Variants in DLG2 observed in about 807,000 individuals in gnomAD.
DLG2 encodes disks large homolog 2.
Under a neutral mutation model 132.5 loss-of-function variants are expected in DLG2, and 45 were observed. The ratio of observed to expected loss-of-function variants is 0.34; its 90% CI spans 0.27 to 0.44. The LOEUF (loss-of-function observed/expected upper bound fraction) is 0.44. DLG2 is among the 20% of genes least tolerant of loss of function. The probability of loss-of-function intolerance (pLI) is 1.00; values close to 1 mark genes in which losing one functional copy is unlikely to be tolerated. For missense variants in DLG2, 1,045 were observed against 1,196.9 expected, an observed-to-expected ratio of 0.87 and a Z score of 1.87; for synonymous variants, 424 against 419.6, an observed-to-expected ratio of 1.01 and a Z score of -0.13.
At position 84,207,204 on chromosome 11, in the gene DLG2, G is replaced by A. The variant is rs74563374; in HGVS notation, c.574-43693C>T. Among the ~76,000 whole-genome samples the A allele has an allele frequency of 4.0e-3, 610 of 151,988 alleles. 29 individuals are homozygous for A. In the East Asian group the frequency reaches 0.099, roughly 25 times the overall value. ...ATGGGCTGGAAGACTCAATATTGTAGAGAGGTAAATTATTTTTAAGTTTAC... is the reference window on the plus strand; with the variant it reads ...ATGGGCTGGAAGACTCAATATTGTAAAGAGGTAAATTATTTTTAAGTTTAC... On this transcript the variant is annotated intron_variant, in intron 8 of 27. Transcript: ENST00000376104.
chr11:85,295,816 C>G (rs933801311), intron 3 of DLG2, among the ~76,000 whole-genome samples: 1 of 152,116 alleles, frequency 6.6e-6, no homozygotes, highest in South Asian at 2.1e-4. Flanking sequence ...CTCAATAGCA[C>G]AGTGCTTAGC....
intron 6 of DLG2, among the ~76,000 whole-genome samples, chr11:84,907,433 C>G (rs760678636): frequency 6.6e-6 from 1 of 151,968 alleles, no homozygotes; most frequent in Non-Finnish European, 1.5e-5. Context: ...AGAGTTTTCC[C>G]AACAACAGTT....
At chr11:85,554,072 C>G (rs2076808156) in intron 3 of DLG2, among the ~76,000 whole-genome samples, 2 of 150,790 alleles carry the variant, frequency 1.3e-5, no homozygotes, top group South Asian at 4.2e-4. Context: ...AGAAAAAATA[C>G]TGAAAACTTC....
chr11:84,651,320 A>C (rs2099681777), intron 6 of DLG2, among the ~76,000 whole-genome samples: 1 of 152,160 alleles, frequency 6.6e-6, no homozygotes, highest in Non-Finnish European at 1.5e-5. Flanking sequence ...ACTGCACTCC[A>C]TATCGTCTTA....
chr11:85,232,128 TA>T (rs1001903538), intron 4 of DLG2, among the ~76,000 whole-genome samples: 1 of 151,912 alleles, frequency 6.6e-6, no homozygotes, highest in Non-Finnish European at 1.5e-5. Context: ...AGCAACATGC[TA>T]AATACCAATA....
At chr11:83,770,758 A>G (rs1477333990) in intron 18 of DLG2, among the ~76,000 whole-genome samples, 4 of 152,220 alleles carry the variant, frequency 2.6e-5, no homozygotes, top group Non-Finnish European at 5.9e-5. Flanking sequence ...TTTTTGGTTT[A>G]TAGTTAAGAA....
At chr11:84,148,717 T>G (rs954284379) in intron 9 of DLG2, among the ~76,000 whole-genome samples, 5 of 152,124 alleles carry the variant, frequency 3.3e-5, no homozygotes, top group Admixed American at 1.3e-4. Context: ...GATTTATTAT[T>G]CTTTGGGTAG....
intron 3 of DLG2, among the ~76,000 whole-genome samples, chr11:85,372,930 C>T (rs1277940145): frequency 3.9e-5 from 6 of 152,182 alleles, no homozygotes; most frequent in African/African-American, 1.4e-4. Context: ...CAGTCTGTAC[C>T]CATTTCAAAT....
At chr11:83,764,364 G>A (rs1201620561) in intron 18 of DLG2, among the ~76,000 whole-genome samples, 2 of 152,176 alleles carry the variant, frequency 1.3e-5, no homozygotes, top group African/African-American at 4.8e-5. Flanking sequence ...GTTGTTTAAT[G>A]AATGAATATA....
intron 13 of DLG2, among the ~76,000 whole-genome samples, chr11:83,963,757 C>A (rs2089490495): frequency 6.6e-6 from 1 of 151,960 alleles, no homozygotes; most frequent in South Asian, 2.1e-4. Context: ...CATATCCTAT[C>A]ATCCGCAAAC....
intron 4 of DLG2, among the ~76,000 whole-genome samples, chr11:85,156,083 A>G (rs1024188809): frequency 6.6e-6 from 1 of 152,160 alleles, no homozygotes; most frequent in African/African-American, 2.4e-5. Context: ...CTATAGAGAC[A>G]TGTACCTGCA....
chr11:85,300,447 T>C (rs940672416), intron 3 of DLG2, among the ~76,000 whole-genome samples: 2 of 151,812 alleles, frequency 1.3e-5, no homozygotes, highest in Non-Finnish European at 2.9e-5. Flanking sequence ...AAAGCTAGAG[T>C]CTGGGGCAGG....
At chr11:85,586,812 A>G (rs1482237325) in intron 3 of DLG2, among the ~76,000 whole-genome samples, 4 of 151,928 alleles carry the variant, frequency 2.6e-5, no homozygotes, top group African/African-American at 9.7e-5. Context: ...GCTCTTTCAG[A>G]CTTTTTGATG....
intron 6 of DLG2, chr11:84,955,678 G>A (rs1361598130): frequency 6.6e-6 from 1 of 152,110 alleles, no homozygotes; most frequent in East Asian, 1.9e-4. Context: ...AATATCCTGT[G>A]CTTTCTCAAT....
At position 83,802,827 on chromosome 11, in the gene DLG2, A is replaced by G. The variant is rs138408121; in HGVS notation, c.1723-16035T>C. Among the ~76,000 whole-genome samples, 104 of 152,238 alleles carry G rather than the reference A, an allele frequency of 6.8e-4. 2 individuals are homozygous for G. The highest frequency in any genetic ancestry group is 3.5e-4 in the Non-Finnish European group (24 of 68,002). ...AAAAGGATGAATGATCTTATAGAGA[A>G]TGCCTGCAAGGTTACACAGTGAATT... On this transcript the variant is annotated intron_variant, in intron 17 of 27. Coordinates refer to ENST00000376104, the MANE Select transcript of DLG2 (RefSeq NM_001142699.3).
intron 19 of DLG2, among the ~76,000 whole-genome samples, chr11:83,610,813 T>TAACA (rs2060007110): frequency 5.9e-5 from 9 of 152,218 alleles, no homozygotes; most frequent in Admixed American, 1.3e-4. Flanking sequence ...GTACTCTTGT[T>TAACA]ATCCACAATA....
intron 3 of DLG2, among the ~76,000 whole-genome samples, chr11:85,417,528 C>T (rs1372713319): frequency 6.6e-6 from 1 of 152,130 alleles, no homozygotes; most frequent in Non-Finnish European, 1.5e-5. Context: ...GACACCAGCT[C>T]CTCTTTATAC....
chr11:83,661,548 TATA>T (rs1399358611), intron 18 of DLG2, among the ~76,000 whole-genome samples: 1 of 152,216 alleles, frequency 6.6e-6, no homozygotes, highest in Non-Finnish European at 1.5e-5. Flanking sequence ...AGTTAGATTT[TATA>T]ATATTAATTT....
At chr11:85,104,053 G>A (rs2071307422) in intron 6 of DLG2, among the ~76,000 whole-genome samples, 1 of 151,816 alleles carries the variant, frequency 6.6e-6, no homozygotes, top group South Asian at 2.1e-4. Flanking sequence ...CAAAAGATAG[G>A]TAATAACGAG....
Sources: gnomAD v4.1 joint callset for allele counts (sites outside exome capture counted in the v4.1 genomes callset) on GRCh38, gnomAD v4.1.1 for gene constraint, MANE v1.5 for transcripts, NCBI Gene and HGNC (gene_info 2026-07-23, HGNC 2026-07-21) for gene names.